Variants in CRACD observed in about 807,000 individuals in gnomAD.
CRACD encodes capping protein inhibiting regulator of actin dynamics.
Under a neutral mutation model 106.8 loss-of-function variants are expected in CRACD, and 56 were observed. The observed-to-expected ratio is 0.52, with a 90% CI of 0.42 to 0.66. The LOEUF is 0.66. Among genes scored for constraint, CRACD ranks in the 30% least tolerant of loss-of-function variants. The probability of loss-of-function intolerance (pLI) is 0.00; values close to 1 mark genes in which losing one functional copy is unlikely to be tolerated. For synonymous variants in CRACD, 754 were observed against 670.8 expected, an observed-to-expected ratio of 1.12 and a Z score of -1.92; for missense variants, 1,730 against 1,623.2, an observed-to-expected ratio of 1.07 and a Z score of -1.13.
chr4:56,330,250 A>C lies in CRACD; in HGVS notation c.*2446A>C, dbSNP rs1419617273. 6.6e-6 allele frequency among the ~76,000 whole-genome samples: 1 copy of C among 151,748 alleles called. No individual in the cohort carries two copies. Among genetic ancestry groups the C allele is most frequent in the Non-Finnish European group, 1.5e-5 (1 of 67,954 alleles). ...CTCCTGGCAAGGTTATAGATGATTAACCTCTGTTCATAGACTTATATATAA... is the reference window on the plus strand; with the variant it reads ...CTCCTGGCAAGGTTATAGATGATTACCCTCTGTTCATAGACTTATATATAA... On this transcript the variant is annotated 3_prime_UTR_variant, in exon 11 of 11. Transcript: ENST00000682029.
rs574267586 is a variant in CRACD at position 56,293,192 on chromosome 4, G to A, written c.-16-5022G>A. 8.9e-4 allele frequency among the ~76,000 whole-genome samples: 136 copies of A among 152,286 alleles called. 1 individual carries two copies. The highest frequency in any genetic ancestry group is 2.9e-3 in the African/African-American group (119 of 41,548). ...TAAAAAGAATGGTAGCTATAATAAT[G>A]AGAATAAAAGTTATGTGGCTTGTAG... On this transcript the variant is annotated intron_variant, in intron 3 of 10. Transcript: ENST00000682029.
intron 1 of CRACD, among the ~76,000 whole-genome samples, chr4:56,134,932 TG>T (rs1734948693): frequency 6.7e-6 from 1 of 148,988 alleles, no homozygotes; most frequent in Non-Finnish European, 1.5e-5. Context: ...AGATTGATAC[TG>T]GCTTTTTTTT....
intron 2 of CRACD, among the ~76,000 whole-genome samples, chr4:56,182,334 C>A (rs1464179108): frequency 6.6e-6 from 1 of 151,876 alleles, no homozygotes; most frequent in African/African-American, 2.4e-5. Flanking sequence ...TTTACCACTG[C>A]ACCCCAGCCT....
At chr4:56,059,547 C>T (rs185596560) in intron 1 of CRACD, among the ~76,000 whole-genome samples, 2 of 152,154 alleles carry the variant, frequency 1.3e-5, no homozygotes, top group East Asian at 1.9e-4. Flanking sequence ...CATTTTCTCT[C>T]GTGTCAACCA....
At chr4:56,222,372 C>T (rs937441861) in intron 2 of CRACD, among the ~76,000 whole-genome samples, 1 of 152,060 alleles carries the variant, frequency 6.6e-6, no homozygotes, top group South Asian at 2.1e-4. Context: ...GTATAATGCA[C>T]TTTGGAGACT....
chr4:56,160,281 C>G (rs1735907525), intron 1 of CRACD, among the ~76,000 whole-genome samples: 1 of 150,732 alleles, frequency 6.6e-6, no homozygotes, highest in Admixed American at 6.6e-5. Flanking sequence ...TTCCTGGGTT[C>G]AAACAATTCT....
Position 56,181,767 on chromosome 4 carries a change from C to G in CRACD, c.-189+2337C>G, listed in dbSNP as rs187964009. ...TCCGCCTCTGTCATCACCTGTCATT[C>G]TCACTGTGTGTCTGTGTCTGCACAT... On this transcript the variant is annotated intron_variant, in intron 2 of 10. Transcript: ENST00000682029. Among the ~76,000 whole-genome samples, 20 of 152,298 alleles carry G rather than the reference C, an allele frequency of 1.3e-4. No homozygotes were observed. In the East Asian group the frequency reaches 3.5e-3, roughly 26 times the overall value.
Position 56,218,329 on chromosome 4 carries a change from C to T in CRACD, c.-189+38899C>T, listed in dbSNP as rs190075666. ...GTCTCACTATGTTATCCAGGCTGCTCTCAAACTCCTGGGCTCAAGCAGTCC... is the reference window on the plus strand; with the variant it reads ...GTCTCACTATGTTATCCAGGCTGCTTTCAAACTCCTGGGCTCAAGCAGTCC... On this transcript the variant is annotated intron_variant, in intron 2 of 10. Transcript: ENST00000682029. 6.2e-4 allele frequency among the ~76,000 whole-genome samples: 95 copies of T among 152,016 alleles called. No homozygotes were observed. In the East Asian group the frequency reaches 0.016, roughly 26 times the overall value.
chr4:56,163,823 G>A (rs1478986472), intron 1 of CRACD, among the ~76,000 whole-genome samples: 3 of 151,974 alleles, frequency 2.0e-5, no homozygotes, highest in South Asian at 4.2e-4. Context: ...TCAGCTTACT[G>A]CAACCTCTGC....
chr4:56,134,390 C>T (rs1734931238), intron 1 of CRACD, among the ~76,000 whole-genome samples: 2 of 152,156 alleles, frequency 1.3e-5, no homozygotes, highest in South Asian at 4.2e-4. Context: ...TGGCTTGGAC[C>T]CAAGACCAAA....
At chr4:56,216,148 A>G (rs1738662346) in intron 2 of CRACD, 1 of 152,188 alleles carries the variant, frequency 6.6e-6, no homozygotes, top group Non-Finnish European at 1.5e-5. Flanking sequence ...TGATGTCTTA[A>G]AGCGCCTCCA....
chr4:56,066,686 T>C (rs1732476195), intron 1 of CRACD, among the ~76,000 whole-genome samples: 1 of 152,188 alleles, frequency 6.6e-6, no homozygotes. Flanking sequence ...AGGATTGTTC[T>C]GCTCTGGCCC....
At chr4:56,297,354 G>C (rs1033148153) in intron 3 of CRACD, among the ~76,000 whole-genome samples, 1 of 152,202 alleles carries the variant, frequency 6.6e-6, no homozygotes, top group South Asian at 2.1e-4. Flanking sequence ...GCTCATGCCT[G>C]TAATGCCAGT....
At chr4:56,198,241 A>G (rs1737713818) in intron 2 of CRACD, among the ~76,000 whole-genome samples, 1 of 152,224 alleles carries the variant, frequency 6.6e-6, no homozygotes, top group Admixed American at 6.5e-5. Context: ...GTCTTAAGCT[A>G]TCATTTCTTT....
At chr4:56,275,908 G>A (rs934142684) in intron 3 of CRACD, among the ~76,000 whole-genome samples, 9 of 152,192 alleles carry the variant, frequency 5.9e-5, no homozygotes, top group African/African-American at 2.2e-4. Context: ...GCCAGTGAAG[G>A]TGGGATTTCG....
At chr4:56,183,267 A>AAATAAAAT (rs1736928175) in intron 2 of CRACD, among the ~76,000 whole-genome samples, 2 of 149,482 alleles carry the variant, frequency 1.3e-5, no homozygotes, top group Non-Finnish European at 1.5e-5. Flanking sequence ...AAATAAAATA[A>AAATAAAAT]AATAAAATAA....
At chr4:56,182,626 C>T (rs1736880354) in intron 2 of CRACD, among the ~76,000 whole-genome samples, 1 of 152,086 alleles carries the variant, frequency 6.6e-6, no homozygotes, top group African/African-American at 2.4e-5. Flanking sequence ...ACACATACGA[C>T]GTTGCAGTCC....
chr4:56,194,437 TTA>T (rs1737513131), intron 2 of CRACD, among the ~76,000 whole-genome samples: 1 of 152,236 alleles, frequency 6.6e-6, no homozygotes. Flanking sequence ...ACGTTATTGC[TTA>T]TGTTTCAGAG....
chr4:56,098,157 A>G (rs1359384059), intron 1 of CRACD, among the ~76,000 whole-genome samples: 2 of 152,216 alleles, frequency 1.3e-5, no homozygotes, highest in Non-Finnish European at 2.9e-5. Context: ...GACTTGACAA[A>G]TGTGTTACTG....
Sources: gnomAD v4.1 joint callset for allele counts (sites outside exome capture counted in the v4.1 genomes callset) on GRCh38, gnomAD v4.1.1 for gene constraint, MANE v1.5 for transcripts, NCBI Gene and HGNC (gene_info 2026-07-23, HGNC 2026-07-21) for gene names.